Variants in ANKDD1A observed in about 807,000 individuals in gnomAD.
The protein encoded by ANKDD1A is ankyrin repeat and death domain containing 1A.
Under a neutral mutation model 63.5 loss-of-function variants are expected in ANKDD1A, and 59 were observed. That is an observed-to-expected ratio of 0.93 (90% CI 0.75 to 1.15). The LOEUF (loss-of-function observed/expected upper bound fraction) is 1.15, where lower values mean the gene tolerates loss of function less well. ANKDD1A is among the 50% of genes most tolerant of loss of function. The pLI is 0.00. For synonymous variants in ANKDD1A, 266 were observed against 263.9 expected (o/e 1.01, Z -0.08); for missense variants, 632 against 656.4 (o/e 0.96, Z 0.41).
Position 64,957,310 on chromosome 15 carries a change from C to T in ANKDD1A, c.*122C>T, listed in dbSNP as rs2085426114. On this transcript the variant is annotated 3_prime_UTR_variant, in exon 15 of 15. Coordinates refer to ENST00000319580, the MANE Select transcript of ANKDD1A (RefSeq NM_182703.6). The stretch of plus-strand genomic sequence containing the variant: ...ATAATTTCACAATTATTCCTTTTTC[C>T]ACCTTAAATAATAAGAGTAGAATAC... The T allele has an allele frequency of 3.5e-6, 1 of 283,366 alleles. No individual in the cohort carries two copies. The highest frequency in any genetic ancestry group is 2.8e-5 in the South Asian group (1 of 35,744). The allele number at this position is 283,366 out of a possible 1,614,324, so 17.6% of individuals were successfully genotyped here.
At chr15:64,947,705 C>T in intron 13 of ANKDD1A, 112 bp downstream of exon 13, 1 of 1,330,596 alleles carries the variant, frequency 7.5e-7, no homozygotes, top group Non-Finnish European at 1.0e-6. Flanking sequence ...AACCCACAGC[C>T]TGGTCCCACA....
chr15:64,950,585 C>T, intron 14 of ANKDD1A: 1 of 985,382 alleles, frequency 1.0e-6, no homozygotes, highest in Non-Finnish European at 1.2e-6. Context: ...ATGGGGCAAC[C>T]ACAGAATGGG....
Position 64,949,823 on chromosome 15 carries a change from C to T in ANKDD1A, c.1352-18C>T, listed in dbSNP as rs370584494. 3.8e-5 allele frequency: 60 copies of T among 1,598,612 alleles called. No homozygotes were observed. The African/African-American group carries it at 6.9e-4, about 18-fold the overall frequency. On this transcript the variant is annotated intron_variant, in intron 13 of 14. Transcript: ENST00000319580. ...TTGGCTCCTTCTCCCTCTCTCTCTC[C>T]TCCCTCACTGTTCTCAGGCACCAGG...
At chr15:64,954,039 CCT>C (rs1439443697) in intron 14 of ANKDD1A, among the ~76,000 whole-genome samples, 2 of 94,834 alleles carry the variant, frequency 2.1e-5, no homozygotes, top group Admixed American at 1.4e-4. Flanking sequence ...CTTTCTTCTT[CCT>C]CTTCTTCTTT....
Position 64,911,934 on chromosome 15 carries a change from C to CAGG in ANKDD1A, c.10_12dup (p.Glu4dup), listed in dbSNP as rs1297163866. The CAGG allele has an allele frequency of 1.6e-6, 2 of 1,247,952 alleles. No individual in the cohort carries two copies. The highest frequency in any genetic ancestry group is 3.1e-5 in the African/African-American group (2 of 63,990). 77.3% of individuals were successfully genotyped at this position (1,247,952 alleles called of 1,614,324 possible). ...GCAGGGGCTGCGGAGCGGCAGGATG[C>CAGG]AGGAGGAGCTGGCGTGGGAGACCGA... On this transcript the variant is annotated inframe_insertion, in exon 1 of 15. Coordinates refer to ENST00000319580, the MANE Select transcript of ANKDD1A (RefSeq NM_182703.6).
chr15:64,931,340 A>G, intron 7 of ANKDD1A, 147 bp from the exon 8 acceptor site: 2 of 694,452 alleles, frequency 2.9e-6, no homozygotes, highest in South Asian at 3.8e-5. Context: ...CACAAACAAG[A>G]AAGTTCATTG....
chr15:64,920,715 C>G (rs566319875), intron 3 of ANKDD1A, among the ~76,000 whole-genome samples: 77 of 152,044 alleles, frequency 5.1e-4, no homozygotes, highest in African/African-American at 1.9e-3. Flanking sequence ...CCATGCCCAG[C>G]CAATTAATTT....
At chr15:64,953,520 T>C (rs62651092) in intron 14 of ANKDD1A, among the ~76,000 whole-genome samples, 1 of 55,714 alleles carries the variant, frequency 1.8e-5, no homozygotes, top group East Asian at 2.7e-4. Context: ...TCCTTCTCCT[T>C]CTTCCTTCTT....
At chr15:64,918,944 ACT>A (rs2084989503) in intron 3 of ANKDD1A, among the ~76,000 whole-genome samples, 1 of 150,834 alleles carries the variant, frequency 6.6e-6, no homozygotes, top group Non-Finnish European at 1.5e-5. Context: ...ACAGAGCGAG[ACT>A]CTGTCTCAAA....
intron 14 of ANKDD1A, among the ~76,000 whole-genome samples, chr15:64,953,646 C>CT (rs2085353085): frequency 7.2e-4 from 2 of 2,796 alleles, no homozygotes; most frequent in African/African-American, 8.1e-4. Context: ...TCTTCCTCTT[C>CT]CTTCTCCTTC....
intron 11 of ANKDD1A, among the ~76,000 whole-genome samples, chr15:64,943,934 A>G (rs1424404782): frequency 6.6e-6 from 1 of 152,226 alleles, no homozygotes; most frequent in Non-Finnish European, 1.5e-5. Flanking sequence ...TATGTGGGAC[A>G]GGGTTTGGGG....
intron 4 of ANKDD1A, among the ~76,000 whole-genome samples, chr15:64,923,392 C>G (rs889602228): frequency 2.6e-5 from 4 of 152,096 alleles, no homozygotes; most frequent in Non-Finnish European, 5.9e-5. Context: ...TGTTTTATGC[C>G]ATGAAGCTTA....
chr15:64,947,375 CT>C, intron 12 of ANKDD1A, 28 bp from the exon 13 acceptor site: 1 of 1,600,348 alleles, frequency 6.2e-7, no homozygotes, highest in South Asian at 1.1e-5. Context: ...TGAGGGAGAG[CT>C]TCTGCACTTT....
At chr15:64,937,999 C>T (rs2085148833) in intron 9 of ANKDD1A, among the ~76,000 whole-genome samples, 1 of 152,054 alleles carries the variant, frequency 6.6e-6, no homozygotes, top group South Asian at 2.1e-4. Context: ...CAAAAGGACA[C>T]AGGGGCCACC....
At position 64,958,385 on chromosome 15, in the gene ANKDD1A, T is replaced by C. The variant is rs2085439396; in HGVS notation, c.*1197T>C. 1 of 152,208 alleles carries C rather than the reference T, an allele frequency of 6.6e-6. No individual in the cohort carries two copies. Among genetic ancestry groups the C allele is most frequent in the South Asian group, 2.1e-4 (1 of 4,828 alleles). The allele number at this position is 152,208 out of a possible 1,614,324, so 9.4% of individuals were successfully genotyped here. On this transcript the variant is annotated 3_prime_UTR_variant, in exon 15 of 15. Transcript: ENST00000319580. The stretch of plus-strand genomic sequence containing the variant: ...TCAAATGTACCACACTGATGCCAGA[T>C]GTTAATAATCGGGGAAACTGTGTGT...
chr15:64,953,850 T>C (rs1218381800), intron 14 of ANKDD1A, among the ~76,000 whole-genome samples: 2 of 14,958 alleles, frequency 1.3e-4, no homozygotes, highest in African/African-American at 2.0e-4. Flanking sequence ...TCTTTTCTTC[T>C]TTCCTCTTCT....
chr15:64,918,630 G>C (rs552232551), intron 3 of ANKDD1A, among the ~76,000 whole-genome samples: 8 of 152,242 alleles, frequency 5.3e-5, no homozygotes, highest in African/African-American at 1.9e-4. Context: ...AAGCTACGAG[G>C]GAGAACAGTA....
chr15:64,937,441 G>T (rs2085142852), intron 9 of ANKDD1A, among the ~76,000 whole-genome samples: 1 of 152,034 alleles, frequency 6.6e-6, no homozygotes, highest in African/African-American at 2.4e-5. Flanking sequence ...AAAAAAGAAT[G>T]AGGACGGCCG....
intron 9 of ANKDD1A, among the ~76,000 whole-genome samples, chr15:64,935,503 A>G (rs973502775): frequency 7.2e-5 from 11 of 151,908 alleles, no homozygotes; most frequent in African/African-American, 1.5e-4. Flanking sequence ...GTGAAACCCC[A>G]TCTCTACTAA....
Sources: gnomAD v4.1 joint callset for allele counts (sites outside exome capture counted in the v4.1 genomes callset) on GRCh38, gnomAD v4.1.1 for gene constraint, MANE v1.5 for transcripts, NCBI Gene and HGNC (gene_info 2026-07-23, HGNC 2026-07-21) for gene names.